The following PCDH9 variants were observed in gnomAD, a reference collection of about 807,000 sequenced individuals.
PCDH9 encodes protocadherin 9.
Under a neutral mutation model 70.6 loss-of-function variants are expected in PCDH9, and 24 were observed. That is an observed-to-expected ratio of 0.34 (90% CI 0.25 to 0.48). The LOEUF (loss-of-function observed/expected upper bound fraction) is 0.48, where lower values mean the gene tolerates loss of function less well. PCDH9 is among the 20% of genes least tolerant of loss of function. The probability of loss-of-function intolerance (pLI) is 0.99; values close to 1 mark genes in which losing one functional copy is unlikely to be tolerated. For missense variants in PCDH9, 1,281 were observed against 1,503.6 expected (o/e 0.85, Z 2.45); for synonymous variants, 562 against 558.5 (o/e 1.01, Z -0.09).
At chr13:67,222,871 A>G (rs1251531544) in intron 2 of PCDH9, 1 of 152,180 alleles carries the variant, frequency 6.6e-6, no homozygotes, top group Non-Finnish European at 1.5e-5. Context: ...ACAAATTTTT[A>G]AAGAGTAGTA....
chr13:67,009,276 C>T (rs1202783189), intron 2 of PCDH9, among the ~76,000 whole-genome samples: 1 of 152,086 alleles, frequency 6.6e-6, no homozygotes, highest in Non-Finnish European at 1.5e-5. Flanking sequence ...AATTCTAACA[C>T]ACAGTTGCAA....
chr13:67,156,111 C>G (rs1355990370), intron 2 of PCDH9, among the ~76,000 whole-genome samples: 7 of 152,028 alleles, frequency 4.6e-5, no homozygotes, highest in African/African-American at 7.2e-5. Context: ...TGGTCCCTGG[C>G]TAGGGCTCCA....
chr13:67,095,927 T>G (rs1489887251), intron 2 of PCDH9, among the ~76,000 whole-genome samples: 1 of 152,160 alleles, frequency 6.6e-6, no homozygotes, highest in Non-Finnish European at 1.5e-5. Context: ...GCCAATCTGA[T>G]TTCCCCATGC....
intron 3 of PCDH9, among the ~76,000 whole-genome samples, chr13:66,697,329 C>T (rs1022062373): frequency 2.0e-5 from 3 of 151,958 alleles, no homozygotes; most frequent in African/African-American, 7.3e-5. Context: ...TCATTGTCCA[C>T]CTCTCATATC....
chr13:66,834,872 C>A (rs780853999), intron 3 of PCDH9, among the ~76,000 whole-genome samples: 1 of 152,184 alleles, frequency 6.6e-6, no homozygotes, highest in Non-Finnish European at 1.5e-5. Context: ...TCTTCCTAAC[C>A]TGGATGCTAT....
intron 4 of PCDH9, among the ~76,000 whole-genome samples, chr13:66,331,644 C>T (rs1955942806): frequency 6.6e-6 from 1 of 152,046 alleles, no homozygotes; most frequent in South Asian, 2.1e-4. Flanking sequence ...TATTTTTCTG[C>T]AAATCTTTAT....
chr13:66,648,735 G>T (rs749646483), intron 3 of PCDH9, among the ~76,000 whole-genome samples: 1 of 151,870 alleles, frequency 6.6e-6, no homozygotes, highest in Non-Finnish European at 1.5e-5. Flanking sequence ...ACTAAAAAAG[G>T]CATCAAGGAT....
chr13:66,859,152 T>G (rs537605148), intron 3 of PCDH9: 5 of 152,318 alleles, frequency 3.3e-5, no homozygotes, highest in African/African-American at 1.2e-4. Flanking sequence ...GAACAACAAA[T>G]GGCTGTCATG....
intron 3 of PCDH9, among the ~76,000 whole-genome samples, chr13:66,783,923 C>T (rs1338945208): frequency 6.6e-6 from 1 of 152,096 alleles, no homozygotes; most frequent in African/African-American, 2.4e-5. Flanking sequence ...CATCCTTGAA[C>T]ATGATTTAAT....
chr13:66,303,114 T>A lies in PCDH9; in HGVS notation c.*1541A>T, dbSNP rs978427086. 6.6e-6 allele frequency: 1 copy of A among 151,500 alleles called. No homozygotes were observed. Among genetic ancestry groups the A allele is most frequent in the Non-Finnish European group, 1.5e-5 (1 of 67,706 alleles). The allele number at this position is 151,500 out of a possible 1,614,324, so 9.4% of individuals were successfully genotyped here. Reference sequence around the variant, plus strand: ...CAAACCTTTTTTTTAAATTTTTTGTTTTTTTTTTGTTTTTTTTACTTTTAA... The same window carrying A: ...CAAACCTTTTTTTTAAATTTTTTGTATTTTTTTTGTTTTTTTTACTTTTAA... On this transcript the variant is annotated 3_prime_UTR_variant, in exon 5 of 5. Coordinates refer to ENST00000377865, the MANE Select transcript of PCDH9 (RefSeq NM_203487.3).
chr13:66,394,721 C>A (rs889749368), intron 4 of PCDH9, among the ~76,000 whole-genome samples: 1 of 152,034 alleles, frequency 6.6e-6, no homozygotes, highest in Non-Finnish European at 1.5e-5. Flanking sequence ...AATTAATATA[C>A]AATTTTAAGG....
intron 4 of PCDH9, among the ~76,000 whole-genome samples, chr13:66,577,937 G>A (rs2076837670): frequency 6.6e-6 from 1 of 151,932 alleles, no homozygotes; most frequent in Non-Finnish European, 1.5e-5. Context: ...TGATGCTGAG[G>A]GAAAGGTGGA....
At chr13:67,082,461 G>A (rs1228157974) in intron 2 of PCDH9, among the ~76,000 whole-genome samples, 1 of 152,116 alleles carries the variant, frequency 6.6e-6, no homozygotes, top group Non-Finnish European at 1.5e-5. Flanking sequence ...TTGTATGTAA[G>A]TGGCACATTT....
intron 2 of PCDH9, chr13:67,213,829 C>CA (rs1373184742): frequency 6.6e-6 from 1 of 152,110 alleles, no homozygotes; most frequent in Non-Finnish European, 1.5e-5. Flanking sequence ...AATTGTATTG[C>CA]ACTGAGAGGG....
intron 2 of PCDH9, among the ~76,000 whole-genome samples, chr13:67,108,251 T>C (rs778101182): frequency 9.9e-5 from 15 of 152,170 alleles, no homozygotes; most frequent in Non-Finnish European, 2.1e-4. Context: ...TGGTCTGCCA[T>C]GGAGGTTTCT....
At chr13:66,408,979 A>G (rs1179793226) in intron 4 of PCDH9, among the ~76,000 whole-genome samples, 5 of 152,192 alleles carry the variant, frequency 3.3e-5, no homozygotes, top group Non-Finnish European at 7.3e-5. Flanking sequence ...TAAAGCAGAC[A>G]GTATAGAAAT....
At chr13:66,371,068 T>A (rs1472407343) in intron 4 of PCDH9, among the ~76,000 whole-genome samples, 3 of 152,118 alleles carry the variant, frequency 2.0e-5, no homozygotes, top group Admixed American at 2.0e-4. Flanking sequence ...ATCATAAATG[T>A]TCCCTTTTGA....
chr13:66,430,493 C>A (rs1263323921), intron 4 of PCDH9, among the ~76,000 whole-genome samples: 1 of 151,960 alleles, frequency 6.6e-6, no homozygotes, highest in African/African-American at 2.4e-5. Context: ...GTTGCTAAAT[C>A]CTTCCAGTGA....
chr13:66,779,778 G>T (rs1180200292), intron 3 of PCDH9, among the ~76,000 whole-genome samples: 1 of 149,738 alleles, frequency 6.7e-6, no homozygotes, highest in African/African-American at 2.5e-5. Flanking sequence ...CTGAGATTGC[G>T]CCACTGTACT....
Sources: allele counts gnomAD v4.1 joint callset (sites outside exome capture counted in the v4.1 genomes callset), GRCh38; gene constraint gnomAD v4.1.1; transcripts MANE v1.5; gene names NCBI Gene and HGNC (gene_info 2026-07-23, HGNC 2026-07-21).